The following ZNF511 variants were observed in gnomAD, a reference collection of about 807,000 sequenced individuals.
ZNF511 encodes the protein zinc finger protein 511.
A neutral mutation model predicts 24.8 loss-of-function variants in ZNF511; 26 were observed. The ratio of observed to expected loss-of-function variants is 1.05; its 90% CI spans 0.77 to 1.46. The LOEUF (loss-of-function observed/expected upper bound fraction) is 1.46, where lower values mean the gene tolerates loss of function less well. Ranked by LOEUF, ZNF511 falls within the 40% of genes most tolerant of loss-of-function variation. ZNF511 has a pLI of 0.00. For synonymous variants in ZNF511, 144 were observed against 139.6 expected (o/e 1.03, Z -0.22); for missense variants, 358 against 345.0 (o/e 1.04, Z -0.30).
chr10:133,310,058 C>CG (rs1847953875), intron 3 of ZNF511, 81 bp downstream of exon 3: 1 of 1,608,430 alleles, frequency 6.2e-7, no homozygotes, highest in Non-Finnish European at 8.5e-7. Context: ...CTCGGGTGCT[C>CG]GGGCAAGGCC....
At chr10:133,312,319 CTAGT>C in intron 5 of ZNF511, 1 of 1,184,974 alleles carries the variant, frequency 8.4e-7, no homozygotes, top group Non-Finnish European at 1.0e-6. Context: ...GTCTGCCTTT[CTAGT>C]TAAAGTTGAT....
Position 133,308,933 on chromosome 10 carries a change from C to T in ZNF511, c.-11C>T. On this transcript the variant is annotated 5_prime_UTR_variant, in exon 1 of 6. Transcript: ENST00000361518. Reference sequence around the variant, plus strand: ...GTGGCCGACAGGCTGCGCCCGCCCGCGCCCGGGGTGATGCAGTTGCCCCCC... The same window carrying T: ...GTGGCCGACAGGCTGCGCCCGCCCGTGCCCGGGGTGATGCAGTTGCCCCCC... 1 of 1,221,032 alleles carries T rather than the reference C, an allele frequency of 8.2e-7. No individual in the cohort carries two copies. The highest frequency in any genetic ancestry group is 1.0e-6 in the Non-Finnish European group (1 of 976,586). The allele number at this position is 1,221,032 out of a possible 1,614,324, so 75.6% of individuals were successfully genotyped here. A position where few individuals can be genotyped will look rare whatever the true frequency, so the allele number is the denominator to read the frequency against.
chr10:133,313,096 T>A lies in ZNF511; in HGVS notation c.*230T>A. ...TTGGGAAGGAGATGTGGACGGCCTG[T>A]CTCCTCCTGCAGGGCCCACCCTAAG... On this transcript the variant is annotated 3_prime_UTR_variant, in exon 6 of 6. Transcript: ENST00000361518. 8.8e-7 allele frequency: 1 copy of A among 1,137,782 alleles called. No individual in the cohort carries two copies. The highest frequency in any genetic ancestry group is 1.2e-6 in the Non-Finnish European group (1 of 844,190). The allele number at this position is 1,137,782 out of a possible 1,614,324, so 70.5% of individuals were successfully genotyped here.
rs141203396 is a variant in ZNF511, at chr10:133,309,643, C to T, written c.228-133C>T. ...CCTAGCCTGTTTGTGAAACTTAATT[C>T]ATAAAAAGAGGGTTTGGGATTGCAA... is the stretch of plus-strand genomic sequence containing the variant. On this transcript the variant is annotated intron_variant, in intron 2 of 5. Coordinates refer to ENST00000361518, the MANE Select transcript of ZNF511 (RefSeq NM_145806.4). 2.2e-4 allele frequency: 285 copies of T among 1,287,970 alleles called. 1 individual carries two copies. The African/African-American group carries it at 3.5e-3, about 16-fold the overall frequency. The allele number at this position is 1,287,970 out of a possible 1,614,324, so 79.8% of individuals were successfully genotyped here.
intron 3 of ZNF511, 37 bp downstream of exon 3, chr10:133,310,014 C>G: frequency 6.2e-7 from 1 of 1,611,236 alleles, no homozygotes; most frequent in Non-Finnish European, 8.5e-7. Flanking sequence ...GGCCACCCCC[C>G]ATTGGTGATG....
chr10:133,309,858 C>G lies in ZNF511; in HGVS notation c.310C>G (p.Leu104Val). ...CGACTACGAGCACCACTACCACACG[C>G]TGCACGGAAATGTTTGCTCCTTTTG... ...LDDYEHHYHTLHGNVCSFCKR... is the reference protein window; with the variant it reads ...LDDYEHHYHTVHGNVCSFCKR... The change falls in exon 3 of 6, where the codon CTG becomes GTG. Residue 104 changes from leucine (L) to valine (V), a missense_variant. Transcript: ENST00000361518. 1 of 1,613,846 alleles carries G rather than the reference C, an allele frequency of 6.2e-7. No homozygotes were observed. Among genetic ancestry groups the G allele is most frequent in the African/African-American group, 1.3e-5 (1 of 75,064 alleles).
intron 2 of ZNF511, 78 bp from the exon 3 acceptor site, chr10:133,309,698 C>A: frequency 6.5e-7 from 1 of 1,550,042 alleles, no homozygotes; most frequent in Non-Finnish European, 8.9e-7. Flanking sequence ...TTGGACGTCT[C>A]AAAGGGAAAC....
rs1205617142 is a variant in ZNF511 at position 133,309,475 on chromosome 10, G to A, written c.227+12G>A. ...CCTGAGAAGCCCAGGTAAGCGAATG[G>A]GCAGTGCCTAGCCAGTGCTACTCCT... On this transcript the variant is annotated intron_variant, in intron 2 of 5. Coordinates refer to ENST00000361518, the MANE Select transcript of ZNF511 (RefSeq NM_145806.4). 1.1e-5 allele frequency: 17 copies of A among 1,610,690 alleles called. No individual in the cohort carries two copies. Among genetic ancestry groups the A allele is most frequent in the Middle Eastern group, 1.7e-4 (1 of 6,050 alleles).
At chr10:133,312,489 G>A (rs1300229087) in intron 5 of ZNF511, 1 of 1,290,674 alleles carries the variant, frequency 7.7e-7, no homozygotes, top group Non-Finnish European at 9.8e-7. Flanking sequence ...GGACAGTAGG[G>A]GTTTTCATGG....
At chr10:133,309,194 G>A in intron 1 of ZNF511, 98 bp downstream of exon 1, 1 of 1,377,074 alleles carries the variant, frequency 7.3e-7, no homozygotes. Flanking sequence ...GCCTACGACT[G>A]CGGGGCGGGG....
rs1183073435 is a variant in ZNF511, at chr10:133,308,942, T to A, written c.-2T>A. 8.1e-7 allele frequency: 1 copy of A among 1,227,092 alleles called. No homozygotes were observed. The highest frequency in any genetic ancestry group is 4.1e-5 in the South Asian group (1 of 24,626). 76.0% of individuals were successfully genotyped at this position (1,227,092 alleles called of 1,614,324 possible). A position where few individuals can be genotyped will look rare whatever the true frequency, so the allele number is the denominator to read the frequency against. On this transcript the variant is annotated 5_prime_UTR_variant, in exon 1 of 6. Transcript: ENST00000361518. ...AGGCTGCGCCCGCCCGCGCCCGGGG[T>A]GATGCAGTTGCCCCCCGCGCTGTGC...
intron 5 of ZNF511, 139 bp downstream of exon 5, chr10:133,311,980 A>G: frequency 6.2e-7 from 1 of 1,609,446 alleles, no homozygotes; most frequent in Non-Finnish European, 8.5e-7. Context: ...CTTCCGCCAG[A>G]GAAGAAAGTC....
In ZNF511 at chr10:133,309,410, C is replaced by G; in HGVS notation, c.174C>G (p.His58Gln). 4 of 1,612,290 alleles carry G rather than the reference C, an allele frequency of 2.5e-6. No individual in the cohort carries two copies. Among genetic ancestry groups the G allele is most frequent in the Non-Finnish European group, 3.4e-6 (4 of 1,179,696 alleles). ...QFFEDGDVQR[H>Q]LYLQDVIMQV... ...TGCAGGATGGGGACGTGCAGCGCCA[C>G]CTCTACCTCCAGGACGTGATCATGC... The change falls in exon 2 of 6, where the codon CAC (histidine) becomes CAG (glutamine). Residue 58 changes from histidine (H) to glutamine (Q), a missense_variant. By Grantham distance (24) the His-to-Gln change is conservative. Coordinates refer to ENST00000361518, the MANE Select transcript of ZNF511 (RefSeq NM_145806.4).
intron 2 of ZNF511, 58 bp from the exon 3 acceptor site, chr10:133,309,718 A>G: frequency 6.3e-7 from 1 of 1,593,412 alleles, no homozygotes; most frequent in Non-Finnish European, 8.6e-7. Flanking sequence ...CTGTGCAGAA[A>G]GTCCAGCTTG....
intron 2 of ZNF511, 56 bp from the exon 3 acceptor site, chr10:133,309,720 T>C: frequency 1.3e-6 from 2 of 1,595,410 alleles, no homozygotes; most frequent in Non-Finnish European, 1.7e-6. Flanking sequence ...GTGCAGAAAG[T>C]CCAGCTTGGT....
At chr10:133,312,406 A>G in intron 5 of ZNF511, 2 of 1,174,892 alleles carry the variant, frequency 1.7e-6, no homozygotes, top group Non-Finnish European at 2.1e-6. Flanking sequence ...AGGTGGAACG[A>G]TGAACTTAAT....
chr10:133,309,385 T>C lies in ZNF511; in HGVS notation c.154-5T>C, dbSNP rs974765422. 9 of 1,610,822 alleles carry C rather than the reference T, an allele frequency of 5.6e-6. No homozygotes were observed. On this transcript the variant is annotated splice_polypyrimidine_tract_variant and splice_region_variant and intron_variant, in intron 1 of 5. Transcript: ENST00000361518. ...GGCCCCGCCCACGGCGCACTTTTCC[T>C]GCAGGATGGGGACGTGCAGCGCCAC... is the stretch of plus-strand genomic sequence containing the variant.
chr10:133,309,076 C>T lies in ZNF511; in HGVS notation c.133C>T (p.Arg45Trp). The change falls in exon 1 of 6, where the codon CGG becomes TGG. Residue 45 changes from arginine to tryptophan, a missense_variant. Arg to Trp is a moderately radical substitution (Grantham distance 101). Coordinates refer to ENST00000361518, the MANE Select transcript of ZNF511 (RefSeq NM_145806.4). ...CGTTGCGCGCCCCGTGCGCTTCCCG[C>T]GGGAGCACCAGTTCTTCGAGGTGCG... ...RFVARPVRFP[R>W]EHQFFEDGDV... 7.7e-7 allele frequency: 1 copy of T among 1,302,910 alleles called. No individual in the cohort carries two copies. The highest frequency in any genetic ancestry group is 9.8e-7 in the Non-Finnish European group (1 of 1,020,958). The allele number at this position is 1,302,910 out of a possible 1,614,324, so 80.7% of individuals were successfully genotyped here.
At chr10:133,309,237 T>C (rs1484102174) in intron 1 of ZNF511, 141 bp downstream of exon 1, 7 of 672,384 alleles carry the variant, frequency 1.0e-5, no homozygotes, top group Non-Finnish European at 1.3e-5. Flanking sequence ...CCTGAGGTGG[T>C]GGGGCGGGGC....
Sources: allele counts gnomAD v4.1 joint callset, GRCh38; gene constraint gnomAD v4.1.1; transcripts MANE v1.5; gene names NCBI Gene and HGNC (gene_info 2026-07-23, HGNC 2026-07-21).